The following TMCO4 variants were observed in gnomAD, a reference collection of about 807,000 sequenced individuals.
The protein encoded by TMCO4 is transmembrane and coiled-coil domain-containing protein 4.
In TMCO4, 58 loss-of-function variants were observed where a neutral mutation model predicts 64.7. The ratio of observed to expected loss-of-function variants is 0.90; its 90% CI spans 0.73 to 1.12. The LOEUF (loss-of-function observed/expected upper bound fraction) is 1.12, where lower values mean the gene tolerates loss of function less well. TMCO4 is among the 50% of genes most tolerant of loss of function. The probability of loss-of-function intolerance (pLI) is 0.00; values close to 1 mark genes in which losing one functional copy is unlikely to be tolerated. For synonymous variants in TMCO4, 325 were observed against 346.1 expected, an observed-to-expected ratio of 0.94 and a Z score of 0.68; for missense variants, 780 against 825.9, an observed-to-expected ratio of 0.94 and a Z score of 0.68.
In TMCO4 at chr1:19,740,959, A is replaced by C. The variant is rs2095476765; in HGVS notation, c.878-18T>G. 6.3e-7 allele frequency: 1 copy of C among 1,584,626 alleles called. No homozygotes were observed. On this transcript the variant is annotated intron_variant, in intron 10 of 15. Transcript: ENST00000294543. ...GAAGGTGCCTGGGGAGATCACAGGT[A>C]GGTGAAGTCTCTCTTGTCTATGGCA...
Position 19,682,875 on chromosome 1 carries a change from A to G in TMCO4, c.*165T>C. ...AGGGTGGGCGTGTTCTCTCCTCCAA[A>G]TTCCCCTTCCTTCCATTTCCTTTCC... is the stretch of plus-strand genomic sequence containing the variant. On this transcript the variant is annotated 3_prime_UTR_variant, in exon 16 of 16. Transcript: ENST00000294543. 4 of 1,067,804 alleles carry G rather than the reference A, an allele frequency of 3.7e-6. No homozygotes were observed. The highest frequency in any genetic ancestry group is 4.1e-6 in the Non-Finnish European group (3 of 730,126). The allele number at this position is 1,067,804 out of a possible 1,614,324, so 66.1% of individuals were successfully genotyped here.
intron 4 of TMCO4, among the ~76,000 whole-genome samples, chr1:19,777,100 G>A (rs1022749755): frequency 3.3e-5 from 5 of 150,814 alleles, no homozygotes; most frequent in Admixed American, 1.3e-4. Flanking sequence ...CCCTGTACCT[G>A]TACCTGCAGG....
chr1:19,716,640 C>T (rs2100713777), intron 13 of TMCO4, among the ~76,000 whole-genome samples: 1 of 152,174 alleles, frequency 6.6e-6, no homozygotes, highest in East Asian at 1.9e-4. Flanking sequence ...TTGGCTCCAT[C>T]ACTTACAAGC....
chr1:19,765,440 T>C (rs2042689592), intron 6 of TMCO4, among the ~76,000 whole-genome samples: 4 of 88,158 alleles, frequency 4.5e-5, no homozygotes, highest in Admixed American at 3.8e-4. Context: ...TAGAGGACAT[T>C]GGCAACCTAG....
intron 4 of TMCO4, among the ~76,000 whole-genome samples, chr1:19,772,452 G>T (rs2043028497): frequency 6.6e-6 from 1 of 152,176 alleles, no homozygotes; most frequent in Non-Finnish European, 1.5e-5. Flanking sequence ...ATGGGATGGG[G>T]CCGCTCTAGG....
intron 3 of TMCO4, among the ~76,000 whole-genome samples, chr1:19,781,867 C>G (rs1330120830): frequency 6.6e-6 from 1 of 152,146 alleles, no homozygotes; most frequent in Admixed American, 6.5e-5. Flanking sequence ...AGGATGGTCT[C>G]CATCTCCTGA....
chr1:19,770,704 C>A (rs912697032), intron 5 of TMCO4, 135 bp from the exon 6 acceptor site: 1 of 831,286 alleles, frequency 1.2e-6, no homozygotes, highest in Non-Finnish European at 1.9e-6. Flanking sequence ...TAGACGTGAG[C>A]CAGATGATAA....
At chr1:19,753,851 T>C (rs1466659331) in intron 7 of TMCO4, among the ~76,000 whole-genome samples, 1 of 152,180 alleles carries the variant, frequency 6.6e-6, no homozygotes, top group African/African-American at 2.4e-5. Flanking sequence ...AGCCTTTTCC[T>C]GGGGAAAGAG....
intron 10 of TMCO4, among the ~76,000 whole-genome samples, chr1:19,741,463 C>A (rs777859126): frequency 2.0e-5 from 3 of 152,112 alleles, no homozygotes; most frequent in Non-Finnish European, 2.9e-5. Flanking sequence ...GATGTTTGAG[C>A]CCGGCTCTGT....
At chr1:19,692,703 C>T (rs979457092) in intron 15 of TMCO4, among the ~76,000 whole-genome samples, 30 of 150,022 alleles carry the variant, frequency 2.0e-4, no homozygotes, top group Non-Finnish European at 3.3e-4. Flanking sequence ...GCCGAGATCG[C>T]GCCATTGCAC....
In TMCO4 at chr1:19,740,719, T is replaced by TGTGTTGGGATGAAGGCAGTGGGCATGCTG. The variant is rs1407894602; in HGVS notation, c.1042+29_1042+57dup. 15 of 1,550,602 alleles carry TGTGTTGGGATGAAGGCAGTGGGCATGCTG rather than the reference T, an allele frequency of 9.7e-6. No homozygotes were observed. In the African/African-American group the frequency reaches 2.0e-4, roughly 21 times the overall value. On this transcript the variant is annotated intron_variant, in intron 11 of 15. Coordinates refer to ENST00000294543, the MANE Select transcript of TMCO4 (RefSeq NM_181719.7). ...TGGGCATGCAAAACTATGGTACCAC[T>TGTGTTGGGATGAAGGCAGTGGGCATGCTG]GTGTTGGGATGAAGGCAGTGGGCAT... is the stretch of plus-strand genomic sequence containing the variant.
intron 2 of TMCO4, among the ~76,000 whole-genome samples, chr1:19,790,325 G>C (rs1004240648): frequency 6.6e-6 from 1 of 152,186 alleles, no homozygotes; most frequent in Non-Finnish European, 1.5e-5. Context: ...AATGGGATCT[G>C]ATTAAACTAA....
In TMCO4 at chr1:19,734,506, A is replaced by C. The variant is rs75476122; in HGVS notation, c.1264+2866T>G. Among the ~76,000 whole-genome samples, 1,933 of 152,194 alleles carry C rather than the reference A, an allele frequency of 0.013. 41 individuals carry two copies. Among genetic ancestry groups the C allele is most frequent in the African/African-American group, 0.043 (1,768 of 41,502 alleles). ...TTCACTCCACAGTTTAAAGACCTCAATCTTTCCCCAGCGTTGAACCAGTTG... is the reference window on the plus strand; with the variant it reads ...TTCACTCCACAGTTTAAAGACCTCACTCTTTCCCCAGCGTTGAACCAGTTG... On this transcript the variant is annotated intron_variant, in intron 13 of 15. Transcript: ENST00000294543. The surrounding 1 kb of genome is among the most constrained non-coding windows in gnomAD (Gnocchi z 4.4).
intron 13 of TMCO4, among the ~76,000 whole-genome samples, chr1:19,722,696 C>G (rs535720130): frequency 1.3e-5 from 2 of 152,100 alleles, no homozygotes; most frequent in South Asian, 4.1e-4. Flanking sequence ...GCTAGGGAGA[C>G]ACAGTCCTGG....
intron 6 of TMCO4, among the ~76,000 whole-genome samples, chr1:19,764,582 G>T (rs61768306): frequency 0.12 from 17,825 of 152,242 alleles, 1,143 homozygotes; most frequent in Non-Finnish European, 0.13. Flanking sequence ...ATGTTGGGCT[G>T]GGCGTGGTGG....
At chr1:19,761,357 T>C (rs1405545194) in intron 6 of TMCO4, among the ~76,000 whole-genome samples, 1 of 152,210 alleles carries the variant, frequency 6.6e-6, no homozygotes, top group Non-Finnish European at 1.5e-5. Context: ...AATCAGCCCA[T>C]GATCAATGGG....
Position 19,682,605 on chromosome 1 carries a change from G to A in TMCO4, c.*435C>T, listed in dbSNP as rs1009077679. 5.6e-6 allele frequency: 4 copies of A among 717,374 alleles called. No individual in the cohort carries two copies. In the Admixed American group the frequency reaches 8.0e-5, roughly 14 times the overall value. 44.4% of individuals were successfully genotyped at this position (717,374 alleles called of 1,614,324 possible). ...TGGTGGGCAGCCCTGGAGTGTGGAT[G>A]GAAGAACAGGCATGCACCTGGTTTT... On this transcript the variant is annotated 3_prime_UTR_variant, in exon 16 of 16. Coordinates refer to ENST00000294543, the MANE Select transcript of TMCO4 (RefSeq NM_181719.7).
intron 6 of TMCO4, among the ~76,000 whole-genome samples, chr1:19,769,571 A>G (rs1256851399): frequency 6.6e-6 from 1 of 152,122 alleles, no homozygotes; most frequent in African/African-American, 2.4e-5. Context: ...GATGCTGGCA[A>G]TTTCTTCTAT....
Position 19,732,091 on chromosome 1 carries a change from C to T in TMCO4, c.1264+5281G>A, listed in dbSNP as rs1211069132. Among the ~76,000 whole-genome samples, 1 of 152,218 alleles carries T rather than the reference C, an allele frequency of 6.6e-6. No individual in the cohort carries two copies. Among genetic ancestry groups the T allele is most frequent in the Non-Finnish European group, 1.5e-5 (1 of 68,052 alleles). ...CCAGCTGCATGGGAGGAGCTGCCTT[C>T]TGTCCCACAGAGAGAGCTGGCTACA... On this transcript the variant is annotated intron_variant, in intron 13 of 15. Coordinates refer to ENST00000294543, the MANE Select transcript of TMCO4 (RefSeq NM_181719.7). This position sits in a 1 kb window ranked among gnomAD's most constrained non-coding sequence, Gnocchi z 4.8.
Sources: gnomAD v4.1 joint callset for allele counts (sites outside exome capture counted in the v4.1 genomes callset) on GRCh38, gnomAD v4.1.1 for gene constraint, Gnocchi (gnomAD v3.1) non-coding constraint, MANE v1.5 for transcripts, NCBI Gene and HGNC (gene_info 2026-07-23, HGNC 2026-07-21) for gene names.